The following NFASC variants were observed in gnomAD, a reference collection of about 807,000 sequenced individuals.
The protein encoded by NFASC is neurofascin homolog.
NFASC carries 43 observed loss-of-function variants against 147.5 expected under a neutral mutation model. The observed-to-expected ratio is 0.29, with a 90% CI of 0.23 to 0.38. The LOEUF (loss-of-function observed/expected upper bound fraction) is 0.38. Among genes scored for constraint, NFASC ranks in the 10% least tolerant of loss-of-function variants. NFASC has a pLI of 1.00. For synonymous variants in NFASC, 622 were observed against 665.5 expected (o/e 0.93, Z 1.01); for missense variants, 1,320 against 1,689.0 (o/e 0.78, Z 3.83).
At chr1:204,991,105 G>A (rs748658807) in intron 23 of NFASC, among the ~76,000 whole-genome samples, 187 bp from the exon 24 acceptor site, 24 of 152,232 alleles carry the variant, frequency 1.6e-4, no homozygotes, top group East Asian at 7.7e-4. Context: ...GGAGTTGACC[G>A]TGAACCCTGA....
intron 1 of NFASC, among the ~76,000 whole-genome samples, chr1:204,882,963 G>C (rs1385132302): frequency 2.6e-5 from 4 of 151,974 alleles, no homozygotes; most frequent in Admixed American, 1.3e-4. Flanking sequence ...TTTGGAATAC[G>C]CCTACATATG....
At chr1:204,952,640 A>G (rs1291051734) in intron 5 of NFASC, among the ~76,000 whole-genome samples, 2 of 151,956 alleles carry the variant, frequency 1.3e-5, no homozygotes, top group Admixed American at 6.5e-5. Context: ...AGAGGAGGGG[A>G]AAAGGGGTAC....
At chr1:204,841,383 GA>G (rs1474178817) in intron 1 of NFASC, among the ~76,000 whole-genome samples, 2 of 152,216 alleles carry the variant, frequency 1.3e-5, no homozygotes, top group African/African-American at 4.8e-5. Flanking sequence ...CCCTTTGTTT[GA>G]GAAGCCTCCT....
chr1:204,977,075 T>C (rs888296900), intron 16 of NFASC: 13 of 1,227,058 alleles, frequency 1.1e-5, no homozygotes, highest in Non-Finnish European at 1.3e-5. Flanking sequence ...GGGTTTCTCG[T>C]TGTGATCATT....
At chr1:204,910,498 A>T (rs1432580675) in intron 1 of NFASC, among the ~76,000 whole-genome samples, 1 of 130,360 alleles carries the variant, frequency 7.7e-6, no homozygotes, top group Non-Finnish European at 1.7e-5. Flanking sequence ...GCAGGAATGC[A>T]GTGGCACCTT....
chr1:204,954,929 G>A lies in NFASC; in HGVS notation c.513G>A (p.Pro171=), dbSNP rs202108157. ...ACCCCCCGCCTGGACTTCCATCCCC[G>A]GTCATCTTCTGGATGAGCAGCTGTG... The part of the protein sequence containing the change: ...QCNPPPGLPS[P]VIFWMSSSME... Residue 171 remains proline, a synonymous_variant, in exon 7 of 30, where the codon CCG becomes CCA. Coordinates refer to ENST00000339876, the MANE Select transcript of NFASC (RefSeq NM_001005388.3). The surrounding 1 kb of genome is among the most constrained non-coding windows in gnomAD (Gnocchi z 5.7). The A allele has an allele frequency of 1.6e-5, 26 of 1,614,056 alleles. No individual in the cohort carries two copies. Among genetic ancestry groups the A allele is most frequent in the Middle Eastern group, 1.6e-4 (1 of 6,062 alleles).
At chr1:204,837,128 T>A (rs1674007523) in intron 1 of NFASC, among the ~76,000 whole-genome samples, 1 of 152,238 alleles carries the variant, frequency 6.6e-6, no homozygotes, top group South Asian at 2.1e-4. Flanking sequence ...AACCTGGTAA[T>A]GATACAAGAT....
chr1:204,968,206 T>G lies in NFASC; in HGVS notation c.707-43T>G. On this transcript the variant is annotated intron_variant, in intron 8 of 29. Transcript: ENST00000339876. This position sits in a 1 kb window ranked among gnomAD's most constrained non-coding sequence, Gnocchi z 5.4. The stretch of plus-strand genomic sequence containing the variant: ...CAGCGTTGGCCTAGTGGGGTCTGCC[T>G]TCTGGAAGGAGGCTCATGGGAGTTT... 1 of 1,493,304 alleles carries G rather than the reference T, an allele frequency of 6.7e-7. No homozygotes were observed. The highest frequency in any genetic ancestry group is 9.3e-7 in the Non-Finnish European group (1 of 1,070,336). The allele number at this position is 1,493,304 out of a possible 1,614,324, so 92.5% of individuals were successfully genotyped here. A position where few individuals can be genotyped will look rare whatever the true frequency, so the allele number is the denominator to read the frequency against.
chr1:204,882,837 A>T (rs2080538019), intron 1 of NFASC, among the ~76,000 whole-genome samples: 1 of 152,164 alleles, frequency 6.6e-6, no homozygotes. Flanking sequence ...TGAAATTGAA[A>T]GATGTTTTTC....
chr1:204,913,739 T>C (rs1572924217), intron 1 of NFASC, among the ~76,000 whole-genome samples: 1 of 151,328 alleles, frequency 6.6e-6, no homozygotes, highest in Non-Finnish European at 1.5e-5. Context: ...AATAGCCAGG[T>C]ATGCACCTGT....
chr1:204,945,243 T>C (rs1004714287), intron 3 of NFASC, among the ~76,000 whole-genome samples: 3 of 152,158 alleles, frequency 2.0e-5, no homozygotes, highest in African/African-American at 4.8e-5. Context: ...TCTGGCAAAA[T>C]GTCTTAGCAT....
intron 1 of NFASC, among the ~76,000 whole-genome samples, chr1:204,893,618 C>T (rs1190576613): frequency 6.6e-6 from 1 of 152,164 alleles, no homozygotes; most frequent in Non-Finnish European, 1.5e-5. Flanking sequence ...TCTTTTTGTT[C>T]CCCAAAGGGC....
Position 204,944,269 on chromosome 1 carries a change from C to G in NFASC, c.-47C>G, listed in dbSNP as rs368003381. 63 of 1,601,906 alleles carry G rather than the reference C, an allele frequency of 3.9e-5. No individual in the cohort carries two copies. Among genetic ancestry groups the G allele is most frequent in the Middle Eastern group, 1.7e-4 (1 of 6,024 alleles). ...GCCCAGTTAAAGCGGCTCGAGGTGA[C>G]AAGACCCCGAGTGCTGGGGAGCAGG... On this transcript the variant is annotated 5_prime_UTR_variant, in exon 3 of 30. Transcript: ENST00000339876.
At chr1:204,838,418 A>T (rs1021971830) in intron 1 of NFASC, among the ~76,000 whole-genome samples, 26 of 152,292 alleles carry the variant, frequency 1.7e-4, no homozygotes, top group African/African-American at 5.5e-4. Context: ...AGAAAGCCCC[A>T]TGCTGAATCC....
intron 2 of NFASC, among the ~76,000 whole-genome samples, chr1:204,923,810 A>G (rs150407319): frequency 6.6e-6 from 1 of 152,088 alleles, no homozygotes; most frequent in East Asian, 1.9e-4. Flanking sequence ...ATGAGTGTCA[A>G]CGGTGAAAGC....
intron 1 of NFASC, among the ~76,000 whole-genome samples, chr1:204,894,190 T>C (rs1329938820): frequency 6.6e-6 from 1 of 152,250 alleles, no homozygotes; most frequent in Non-Finnish European, 1.5e-5. Flanking sequence ...AAAAAATATT[T>C]GTCAAAAGTT....
chr1:204,987,197 G>C lies in NFASC; in HGVS notation c.2471-221G>C, dbSNP rs2290138. 167,741 of 564,542 alleles carry C rather than the reference G, an allele frequency of 0.3. 26,860 individuals carry two copies. The highest frequency in any genetic ancestry group is 0.4 in the Middle Eastern group (870 of 2,160). 35.0% of individuals were successfully genotyped at this position (564,542 alleles called of 1,614,324 possible). On this transcript the variant is annotated intron_variant, in intron 21 of 29. Transcript: ENST00000339876. This position sits in a 1 kb window ranked among gnomAD's most constrained non-coding sequence, Gnocchi z 4.4. ...ACTTCTTCCTCTCTTAAATAGCAGAGTCTGAGCTATGTTTGTCCTCAGACC... is the reference window on the plus strand; with the variant it reads ...ACTTCTTCCTCTCTTAAATAGCAGACTCTGAGCTATGTTTGTCCTCAGACC...
chr1:204,870,872 A>C, intron 1 of NFASC: 1 of 1,188,872 alleles, frequency 8.4e-7, no homozygotes, highest in Non-Finnish European at 1.1e-6. Context: ...GATTCCACCC[A>C]GGGCAGGGCT....
chr1:204,981,113 G>C (rs1312118163), intron 20 of NFASC, among the ~76,000 whole-genome samples: 1 of 152,242 alleles, frequency 6.6e-6, no homozygotes, highest in African/African-American at 2.4e-5. Context: ...ACTGGGAGAT[G>C]CAGTGTTTGG....
Sources: gnomAD v4.1 joint callset for allele counts (sites outside exome capture counted in the v4.1 genomes callset) on GRCh38, gnomAD v4.1.1 for gene constraint, Gnocchi (gnomAD v3.1) non-coding constraint, MANE v1.5 for transcripts, NCBI Gene and HGNC (gene_info 2026-07-23, HGNC 2026-07-21) for gene names.